Variants in UBE2R2 observed in about 807,000 individuals in gnomAD.
The protein encoded by UBE2R2 is ubiquitin conjugating enzyme E2 R2.
In UBE2R2, 1 loss-of-function variant was observed where a neutral mutation model predicts 27.8. The observed-to-expected ratio is 0.04, with a 90% CI of 0.01 to 0.17. The LOEUF (loss-of-function observed/expected upper bound fraction) is 0.17. Among genes scored for constraint, UBE2R2 ranks in the 10% least tolerant of loss-of-function variants. The pLI is 1.00. For synonymous variants in UBE2R2, 106 were observed against 113.3 expected (o/e 0.94, Z 0.41); for missense variants, 100 against 291.0 (o/e 0.34, Z 4.78).
intron 2 of UBE2R2, among the ~76,000 whole-genome samples, chr9:33,890,547 C>T (rs1446260476): frequency 6.6e-6 from 1 of 151,026 alleles, no homozygotes; most frequent in Middle Eastern, 3.2e-3. Flanking sequence ...CTCGGTGGCT[C>T]ACGCCTGTAG....
chr9:33,860,943 T>G (rs889451026), intron 1 of UBE2R2, among the ~76,000 whole-genome samples: 16 of 150,190 alleles, frequency 1.1e-4, no homozygotes, highest in African/African-American at 3.9e-4. Context: ...TAAGTTTTTT[T>G]TTGTTTGTTT....
At chr9:33,868,074 C>T (rs186428892) in intron 1 of UBE2R2, among the ~76,000 whole-genome samples, 1 of 152,310 alleles carries the variant, frequency 6.6e-6, no homozygotes, top group East Asian at 1.9e-4. Context: ...GGGTGGCTCT[C>T]AGCGGAAAGG....
chr9:33,850,492 A>G (rs1232353582), intron 1 of UBE2R2, among the ~76,000 whole-genome samples: 2 of 152,056 alleles, frequency 1.3e-5, no homozygotes, highest in Non-Finnish European at 2.9e-5. Flanking sequence ...AGACGAGCCT[A>G]CCAAACTCAT....
chr9:33,888,958 T>C lies in UBE2R2; in HGVS notation c.264+1991T>C, dbSNP rs191041264. ...CTTATGTAAGATATCTTAATTTTTCTTTTTCAGACAGAACAGACTGGTACT... is the reference window on the plus strand; with the variant it reads ...CTTATGTAAGATATCTTAATTTTTCCTTTTCAGACAGAACAGACTGGTACT... On this transcript the variant is annotated intron_variant, in intron 2 of 4. Coordinates refer to ENST00000263228, the MANE Select transcript of UBE2R2 (RefSeq NM_017811.4). Among the ~76,000 whole-genome samples, 84 of 152,352 alleles carry C rather than the reference T, an allele frequency of 5.5e-4. 1 individual carries two copies. The highest frequency in any genetic ancestry group is 4.7e-3 in the Admixed American group (72 of 15,304).
chr9:33,826,098 C>T (rs1820309931), intron 1 of UBE2R2, among the ~76,000 whole-genome samples: 1 of 149,796 alleles, frequency 6.7e-6, no homozygotes, highest in Admixed American at 6.7e-5. Context: ...GAGCCAAAAT[C>T]TTGTGCCACT....
chr9:33,852,488 C>T lies in UBE2R2; in HGVS notation c.178-34393C>T, dbSNP rs16934986. On this transcript the variant is annotated intron_variant, in intron 1 of 4. Transcript: ENST00000263228. ...TCTGGCTAAGACTTCCACACATTGG[C>T]AGCAATTTCAGGTATGGTTAGTTGA... 8.9e-4 allele frequency among the ~76,000 whole-genome samples: 135 copies of T among 152,280 alleles called. No individual in the cohort carries two copies. In the East Asian group the frequency reaches 0.023, roughly 26 times the overall value.
At chr9:33,835,644 G>A (rs1003890636) in intron 1 of UBE2R2, among the ~76,000 whole-genome samples, 1 of 151,928 alleles carries the variant, frequency 6.6e-6, no homozygotes, top group Non-Finnish European at 1.5e-5. Flanking sequence ...CACTTTGGGA[G>A]GCTGAGGTGT....
intron 1 of UBE2R2, among the ~76,000 whole-genome samples, chr9:33,872,228 CAA>C (rs760878428): frequency 8.2e-5 from 11 of 133,536 alleles, no homozygotes; most frequent in East Asian, 2.1e-4. Context: ...CTATCTCTAC[CAA>C]AAAAAAAAAA....
intron 2 of UBE2R2, among the ~76,000 whole-genome samples, chr9:33,897,980 A>G (rs1418422512): frequency 6.8e-6 from 1 of 146,686 alleles, no homozygotes; most frequent in South Asian, 2.2e-4. Context: ...TCTCCATGTT[A>G]GTCAGGCTGG....
intron 1 of UBE2R2, among the ~76,000 whole-genome samples, chr9:33,835,501 C>T (rs888301292): frequency 3.9e-5 from 6 of 152,104 alleles, no homozygotes; most frequent in Non-Finnish European, 7.3e-5. Flanking sequence ...ATTTCTATTG[C>T]TGGACACTTA....
intron 1 of UBE2R2, among the ~76,000 whole-genome samples, chr9:33,885,475 T>C (rs1365738516): frequency 2.0e-5 from 3 of 152,234 alleles, no homozygotes; most frequent in African/African-American, 7.2e-5. Context: ...TCCAATCATA[T>C]GTAGACAGCC....
intron 1 of UBE2R2, among the ~76,000 whole-genome samples, chr9:33,833,138 C>T (rs1005894127): frequency 2.3e-4 from 35 of 152,312 alleles, no homozygotes; most frequent in African/African-American, 7.9e-4. Flanking sequence ...GATCTCAGCT[C>T]AGTGAAACCT....
At chr9:33,914,453 A>G (rs936959689) in intron 4 of UBE2R2, among the ~76,000 whole-genome samples, 2 of 152,196 alleles carry the variant, frequency 1.3e-5, no homozygotes, top group African/African-American at 2.4e-5. Context: ...TGAAGTCATG[A>G]TAAGAGTATG....
At chr9:33,875,541 G>A (rs1399831017) in intron 1 of UBE2R2, among the ~76,000 whole-genome samples, 2 of 151,998 alleles carry the variant, frequency 1.3e-5, no homozygotes, top group African/African-American at 4.8e-5. Context: ...CTTGAGTTTG[G>A]GCAACATAGT....
At chr9:33,864,980 T>G (rs567352746) in intron 1 of UBE2R2, among the ~76,000 whole-genome samples, 106 of 152,266 alleles carry the variant, frequency 7.0e-4, no homozygotes, top group African/African-American at 2.4e-3. Flanking sequence ...CACCTTGGCC[T>G]CCCAAAGTGC....
Position 33,866,059 on chromosome 9 carries a change from T to A in UBE2R2, c.178-20822T>A, listed in dbSNP as rs955822431. Among the ~76,000 whole-genome samples, 2 of 151,914 alleles carry A rather than the reference T, an allele frequency of 1.3e-5. 1 individual carries two copies. The highest frequency in any genetic ancestry group is 4.1e-4 in the South Asian group (2 of 4,822). ...GTTGGCCAGGCTAGTCTCGAACTCCTGACCTCAGGTGATCCACCCACCTCA... is the reference window on the plus strand; with the variant it reads ...GTTGGCCAGGCTAGTCTCGAACTCCAGACCTCAGGTGATCCACCCACCTCA... On this transcript the variant is annotated intron_variant, in intron 1 of 4. Transcript: ENST00000263228.
intron 1 of UBE2R2, among the ~76,000 whole-genome samples, chr9:33,818,252 G>T (rs1465335235): frequency 6.6e-6 from 1 of 152,104 alleles, no homozygotes; most frequent in Non-Finnish European, 1.5e-5. Flanking sequence ...GGTGGAAAGA[G>T]CGGTGGTCTA....
At chr9:33,849,007 A>G (rs553067989) in intron 1 of UBE2R2, among the ~76,000 whole-genome samples, 75 of 151,968 alleles carry the variant, frequency 4.9e-4, no homozygotes, top group Middle Eastern at 3.4e-3. Context: ...CTGTAATCCC[A>G]GTACTTTGGG....
rs1009358832 is a variant in UBE2R2, at chr9:33,817,487, C to A, written c.-271C>A. The A allele has an allele frequency of 2.3e-5, 4 of 175,030 alleles. No homozygotes were observed. The highest frequency in any genetic ancestry group is 9.6e-5 in the African/African-American group (4 of 41,870). The allele number at this position is 175,030 out of a possible 1,614,324, so 10.8% of individuals were successfully genotyped here. On this transcript the variant is annotated 5_prime_UTR_variant, in exon 1 of 5. Coordinates refer to ENST00000263228, the MANE Select transcript of UBE2R2 (RefSeq NM_017811.4). Reference sequence around the variant, plus strand: ...GGGGGGGAGGCCCGGGACCGGGACCCGTAGCGAATTCTCCTAACTCCCTCG... The same window carrying A: ...GGGGGGGAGGCCCGGGACCGGGACCAGTAGCGAATTCTCCTAACTCCCTCG...
Sources: allele counts gnomAD v4.1 joint callset (sites outside exome capture counted in the v4.1 genomes callset), GRCh38; gene constraint gnomAD v4.1.1; transcripts MANE v1.5; gene names NCBI Gene and HGNC (gene_info 2026-07-23, HGNC 2026-07-21).